The following RP1 variants were observed in gnomAD, a reference collection of about 807,000 sequenced individuals.
RP1 encodes oxygen-regulated protein 1.
Under a neutral mutation model 14.8 loss-of-function variants are expected in RP1, and 16 were observed. The ratio of observed to expected loss-of-function variants is 1.08; its 90% CI spans 0.73 to 1.65. RP1 has a LOEUF of 1.65. Among genes scored for constraint, RP1 ranks in the 40% most tolerant of loss-of-function variants. The probability of loss-of-function intolerance (pLI) is 0.00; values close to 1 mark genes in which losing one functional copy is unlikely to be tolerated. For missense variants in RP1, 2,631 were observed against 2,535.0 expected (o/e 1.04, Z -0.81); for synonymous variants, 876 against 883.6 (o/e 0.99, Z 0.15).
intron 1 of RP1, among the ~76,000 whole-genome samples, chr8:54,580,351 G>C (rs1804759337): frequency 1.5e-5 from 2 of 135,146 alleles, no homozygotes; most frequent in African/African-American, 5.4e-5. Context: ...TCTGTCGCCA[G>C]GCTGGAGTGC....
chr8:54,768,462 T>C (rs1809819410), intron 22 of RP1, among the ~76,000 whole-genome samples: 1 of 152,200 alleles, frequency 6.6e-6, no homozygotes, highest in Non-Finnish European at 1.5e-5. Context: ...TCCCAGCACT[T>C]AGGAAAATAC....
chr8:54,596,462 C>G (rs1448956131), intron 1 of RP1, among the ~76,000 whole-genome samples: 2 of 152,190 alleles, frequency 1.3e-5, no homozygotes, highest in Non-Finnish European at 1.5e-5. Flanking sequence ...TTCAAATCTT[C>G]TCTTATTCTG....
At chr8:54,659,618 A>G (rs956689910) in intron 6 of RP1, among the ~76,000 whole-genome samples, 2 of 152,054 alleles carry the variant, frequency 1.3e-5, no homozygotes, top group African/African-American at 4.8e-5. Flanking sequence ...CACTGCCTTT[A>G]TTACTGTTGC....
chr8:54,654,516 T>G (rs763556128), intron 5 of RP1, among the ~76,000 whole-genome samples: 1 of 152,230 alleles, frequency 6.6e-6, no homozygotes, highest in Non-Finnish European at 1.5e-5. Context: ...ATTTTTCTCA[T>G]GGGTTCTCAG....
chr8:54,694,992 T>A (rs978934324), intron 12 of RP1, among the ~76,000 whole-genome samples: 2 of 152,314 alleles, frequency 1.3e-5, no homozygotes, highest in East Asian at 3.9e-4. Context: ...CTGCTTTGAA[T>A]GTGTCCCAGA....
Position 54,701,613 on chromosome 8 carries a change from C to G in RP1, c.1949C>G (p.Ser650Ter). 6.5e-7 allele frequency: 1 copy of G among 1,535,666 alleles called. No individual in the cohort carries two copies. The highest frequency in any genetic ancestry group is 8.7e-7 in the Non-Finnish European group (1 of 1,146,644). Reference sequence around the variant, plus strand: ...CGTCATGGCAAAATAGCTGATGCATCATCAGCAGGCTATGCAAATCTTTCA... The same window carrying G: ...CGTCATGGCAAAATAGCTGATGCATGATCAGCAGGCTATGCAAATCTTTCA... Residue 650 changes from serine (S) to a stop codon, truncating the protein, a stop_gained, in exon 14 of 23, where the codon TCA becomes TGA. Coordinates refer to the RP1 transcript ENST00000636932. LOFTEE classifies it high-confidence loss of function.
intron 25 of RP1, among the ~76,000 whole-genome samples, chr8:54,852,277 TA>T (rs951863637): frequency 2.6e-5 from 4 of 152,226 alleles, no homozygotes; most frequent in African/African-American, 7.2e-5. Flanking sequence ...TCTGTTTTTT[TA>T]AAAAAATACA....
chr8:54,685,927 C>T (rs1369683450), intron 12 of RP1, among the ~76,000 whole-genome samples: 1 of 152,210 alleles, frequency 6.6e-6, no homozygotes, highest in Non-Finnish European at 1.5e-5. Flanking sequence ...AGAGGTCCTT[C>T]AGGAAAGAAC....
At chr8:54,755,755 A>G (rs1302135494) in exon 21 of RP1, 4 of 1,525,974 alleles carry the variant, frequency 2.6e-6, no homozygotes, top group Non-Finnish European at 3.5e-6. Context: ...TGCAAGTAAA[A>G]TTTCAAAGAG....
At chr8:54,667,896 T>A (rs1485653463) in intron 7 of RP1, among the ~76,000 whole-genome samples, 1 of 152,126 alleles carries the variant, frequency 6.6e-6, no homozygotes, top group African/African-American at 2.4e-5. Context: ...CAAAGCCGAA[T>A]TCTACCAGAG....
At chr8:54,798,348 A>G (rs1209987595) in intron 24 of RP1, among the ~76,000 whole-genome samples, 2 of 152,264 alleles carry the variant, frequency 1.3e-5, no homozygotes, top group African/African-American at 4.8e-5. Flanking sequence ...GAAACCAGCA[A>G]TATTTCTATG....
At chr8:54,820,687 G>A (rs1402889564) in intron 24 of RP1, among the ~76,000 whole-genome samples, 1 of 152,062 alleles carries the variant, frequency 6.6e-6, no homozygotes, top group Non-Finnish European at 1.5e-5. Context: ...TTGTCTTTTC[G>A]GCCATCTTCA....
At position 54,855,200 on chromosome 8, in the gene RP1, C is replaced by T. The variant is rs1423001364; in HGVS notation, c.3991-1828C>T. 3.1e-4 allele frequency among the ~76,000 whole-genome samples: 47 copies of T among 152,142 alleles called. 1 individual carries two copies. Among genetic ancestry groups the T allele is most frequent in the Admixed American group, 3.1e-3 (47 of 15,270 alleles). On this transcript the variant is annotated intron_variant, in intron 26 of 28. Transcript: ENST00000637698. ...GACTAACTTCACTTAGCATAATATC[C>T]TCAAATTTCATGCATGTTGTAGCAT...
downstream of RP1, among the ~76,000 whole-genome samples, chr8:54,773,529 A>T (rs1809959351): frequency 6.6e-6 from 1 of 152,070 alleles, no homozygotes; most frequent in African/African-American, 2.4e-5. Context: ...CCCAACTACT[A>T]GGGAAGCTGA....
chr8:54,573,348 C>T (rs139074397), intron 1 of RP1, among the ~76,000 whole-genome samples: 11 of 152,140 alleles, frequency 7.2e-5, no homozygotes, highest in Non-Finnish European at 1.0e-4. Context: ...TTTAAGGACG[C>T]GAACATCACT....
chr8:54,575,119 A>G (rs1277419861), intron 1 of RP1, among the ~76,000 whole-genome samples: 5 of 152,186 alleles, frequency 3.3e-5, no homozygotes, highest in Non-Finnish European at 7.4e-5. Context: ...TCCCAGGTCA[A>G]TGAGTCCTCT....
chr8:54,793,390 G>C (rs558684852), intron 24 of RP1, among the ~76,000 whole-genome samples: 4 of 151,934 alleles, frequency 2.6e-5, no homozygotes, highest in Admixed American at 2.6e-4. Context: ...GAAAATTACA[G>C]GACAATATTC....
At chr8:54,801,535 G>C (rs189058876) in intron 24 of RP1, among the ~76,000 whole-genome samples, 1 of 151,768 alleles carries the variant, frequency 6.6e-6, no homozygotes, top group East Asian at 1.9e-4. Context: ...TACATCTTCT[G>C]TTCCACAGGG....
intron 19 of RP1, among the ~76,000 whole-genome samples, chr8:54,745,871 G>A (rs1809212700): frequency 6.6e-6 from 1 of 151,956 alleles, no homozygotes; most frequent in Non-Finnish European, 1.5e-5. Context: ...CTCACATTTG[G>A]CAGTTCTGCA....
Sources: gnomAD v4.1 joint callset for allele counts (sites outside exome capture counted in the v4.1 genomes callset) on GRCh38, gnomAD v4.1.1 for gene constraint, MANE v1.5 for transcripts, NCBI Gene and HGNC (gene_info 2026-07-23, HGNC 2026-07-21) for gene names.